The following ANKFN1 variants were observed in gnomAD, a reference collection of about 807,000 sequenced individuals.
The protein encoded by ANKFN1 is ankyrin repeat and fibronectin type-III domain-containing protein 1.
A neutral mutation model predicts 108.7 loss-of-function variants in ANKFN1; 74 were observed. The ratio of observed to expected loss-of-function variants is 0.68; its 90% CI spans 0.56 to 0.83. The LOEUF is 0.83. ANKFN1 is among the 40% of genes least tolerant of loss of function. ANKFN1 has a pLI of 0.00. For synonymous variants in ANKFN1, 547 were observed against 516.2 expected (o/e 1.06, Z -0.81); for missense variants, 1,505 against 1,382.3 (o/e 1.09, Z -1.41).
intron 8 of ANKFN1, among the ~76,000 whole-genome samples, chr17:56,395,659 G>T (rs1255129809): frequency 6.6e-6 from 1 of 152,106 alleles, no homozygotes; most frequent in Non-Finnish European, 1.5e-5. Flanking sequence ...GACCAGCCTG[G>T]CCAACACGGA....
At chr17:56,142,429 C>G (rs1907982394) in intron 4 of ANKFN1, among the ~76,000 whole-genome samples, 1 of 152,190 alleles carries the variant, frequency 6.6e-6, no homozygotes, top group Non-Finnish European at 1.5e-5. Context: ...TCTGGCCCAA[C>G]AAAAGGTTCT....
chr17:56,414,477 A>G (rs567385884), intron 8 of ANKFN1, among the ~76,000 whole-genome samples: 2 of 152,228 alleles, frequency 1.3e-5, no homozygotes, highest in Admixed American at 6.5e-5. Flanking sequence ...TCTGATTAAT[A>G]CTGGTGTAAA....
chr17:56,108,409 CTTCTT>C (rs908223090), intron 4 of ANKFN1, among the ~76,000 whole-genome samples: 25 of 152,152 alleles, frequency 1.6e-4, no homozygotes, highest in African/African-American at 5.8e-4. Context: ...TCTTTCGACT[CTTCTT>C]TTCTCCTTGC....
chr17:56,258,467 C>A (rs1044021981), intron 3 of ANKFN1: 1 of 152,170 alleles, frequency 6.6e-6, no homozygotes, highest in Non-Finnish European at 1.5e-5. Context: ...AAGATGGTGA[C>A]AACACGCACT....
intron 2 of ANKFN1, among the ~76,000 whole-genome samples, chr17:56,225,770 A>T (rs1470455913): frequency 6.6e-6 from 1 of 152,212 alleles, no homozygotes; most frequent in Non-Finnish European, 1.5e-5. Flanking sequence ...TAACAGCTTG[A>T]TTTATTTTGT....
chr17:56,061,994 G>A (rs1444290321), intron 4 of ANKFN1, among the ~76,000 whole-genome samples: 1 of 152,036 alleles, frequency 6.6e-6, no homozygotes, highest in Non-Finnish European at 1.5e-5. Flanking sequence ...ATTTACCCAG[G>A]AGTCATTTAG....
intron 4 of ANKFN1, among the ~76,000 whole-genome samples, chr17:56,088,489 G>T (rs911160434): frequency 1.3e-5 from 2 of 151,026 alleles, no homozygotes; most frequent in African/African-American, 4.9e-5. Flanking sequence ...GAGGCATCCG[G>T]TCACTTCTTC....
intron 1 of ANKFN1, among the ~76,000 whole-genome samples, chr17:56,160,318 A>G (rs1909531949): frequency 6.6e-6 from 1 of 152,224 alleles, no homozygotes; most frequent in Non-Finnish European, 1.5e-5. Flanking sequence ...TAAAAATTAC[A>G]AACTCTGCAA....
chr17:56,503,950 T>C (rs1317752801), intron 20 of ANKFN1, among the ~76,000 whole-genome samples: 1 of 152,162 alleles, frequency 6.6e-6, no homozygotes, highest in Non-Finnish European at 1.5e-5. Flanking sequence ...GTGCCTACAG[T>C]GGTTAATGGA....
intron 2 of ANKFN1, among the ~76,000 whole-genome samples, chr17:56,226,258 A>G (rs1204769049): frequency 6.6e-6 from 1 of 152,208 alleles, no homozygotes; most frequent in African/African-American, 2.4e-5. Flanking sequence ...TTAGTGACAC[A>G]TGTGAGATCT....
At chr17:56,232,940 A>G (rs1239514882) in intron 3 of ANKFN1, among the ~76,000 whole-genome samples, 1 of 152,134 alleles carries the variant, frequency 6.6e-6, no homozygotes, top group Non-Finnish European at 1.5e-5. Flanking sequence ...AGGGCTAGAT[A>G]GTCTGAATTC....
chr17:56,390,223 A>G (rs1003731995), intron 8 of ANKFN1, among the ~76,000 whole-genome samples: 9 of 151,360 alleles, frequency 5.9e-5, no homozygotes, highest in East Asian at 3.9e-4. Context: ...ACAGACCCCA[A>G]TGTGTGATGT....
intron 3 of ANKFN1, among the ~76,000 whole-genome samples, chr17:56,280,215 T>C (rs2044041584): frequency 6.6e-6 from 1 of 152,040 alleles, no homozygotes; most frequent in African/African-American, 2.4e-5. Flanking sequence ...TATATATTTC[T>C]ACGTGTATCT....
chr17:56,270,302 G>A (rs1254425883), intron 3 of ANKFN1, among the ~76,000 whole-genome samples: 1 of 152,164 alleles, frequency 6.6e-6, no homozygotes, highest in Non-Finnish European at 1.5e-5. Flanking sequence ...CCCATGACCA[G>A]GCCCATGTGG....
chr17:56,411,430 T>C (rs555793285), intron 8 of ANKFN1, among the ~76,000 whole-genome samples: 15 of 152,338 alleles, frequency 9.8e-5, no homozygotes, highest in African/African-American at 3.4e-4. Flanking sequence ...GATCATGTTA[T>C]CAGCAGAGAC....
intron 4 of ANKFN1, among the ~76,000 whole-genome samples, chr17:56,144,186 C>CT (rs1908114309): frequency 1.2e-4 from 2 of 16,770 alleles, no homozygotes; most frequent in Non-Finnish European, 2.9e-4. Context: ...AAAAAAAAAA[C>CT]AGCCCAAACC....
In ANKFN1 at chr17:56,143,181, C is replaced by T. The variant is rs146234997; in HGVS notation, c.289-84736C>T. ...TGAGAGGCCAAGTTTGGGGGCTTCA[C>T]GCATGGTAGGCTAGAGGCTGCACTG... On this transcript the variant is annotated intron_variant, in intron 4 of 12. Transcript: ENST00000635860. Among the ~76,000 whole-genome samples the T allele has an allele frequency of 3.5e-3, 535 of 152,222 alleles. 2 individuals carry two copies. Among genetic ancestry groups the T allele is most frequent in the Non-Finnish European group, 5.6e-3 (380 of 68,008 alleles).
At chr17:56,467,791 G>GAAAGAAGGAAGA (rs11414270) in intron 15 of ANKFN1, among the ~76,000 whole-genome samples, 2 of 55,024 alleles carry the variant, frequency 3.6e-5, no homozygotes, top group Admixed American at 4.6e-4. Flanking sequence ...AAGAAAGAAA[G>GAAAGAAGGAAGA]AAGAAAGAAA....
intron 20 of ANKFN1, among the ~76,000 whole-genome samples, chr17:56,507,575 C>T (rs1362532331): frequency 1.3e-5 from 2 of 152,180 alleles, no homozygotes; most frequent in Non-Finnish European, 2.9e-5. Flanking sequence ...TTCATCCCCT[C>T]CTTGATGTTT....
Sources: allele counts gnomAD v4.1 joint callset (sites outside exome capture counted in the v4.1 genomes callset), GRCh38; gene constraint gnomAD v4.1.1; transcripts MANE v1.5; gene names NCBI Gene and HGNC (gene_info 2026-07-23, HGNC 2026-07-21).